The following ITPR2 variants were observed in gnomAD, a reference collection of about 807,000 sequenced individuals.
ITPR2 encodes the protein inositol 1,4,5-trisphosphate-gated calcium channel ITPR2.
Under a neutral mutation model 317.1 loss-of-function variants are expected in ITPR2, and 207 were observed. That is an observed-to-expected ratio of 0.65 (90% confidence interval 0.58 to 0.73). ITPR2 has a LOEUF of 0.73. Among genes scored for constraint, ITPR2 ranks in the 30% least tolerant of loss-of-function variants. The pLI, the probability that ITPR2 is intolerant of heterozygous loss-of-function variation, is 0.00. For synonymous variants in ITPR2, 1,156 were observed against 1,149.1 expected, an observed-to-expected ratio of 1.01 and a Z score of -0.12; for missense variants, 2,613 against 3,284.0, an observed-to-expected ratio of 0.80 and a Z score of 4.99.
At chr12:26,748,727 G>A (rs759033647) in intron 2 of ITPR2, among the ~76,000 whole-genome samples, 2 of 152,140 alleles carry the variant, frequency 1.3e-5, no homozygotes, top group Non-Finnish European at 2.9e-5. Context: ...AACAGTAGGT[G>A]GGATTCTAAA....
chr12:26,633,672 C>T (rs909377435), intron 21 of ITPR2, among the ~76,000 whole-genome samples: 6 of 152,210 alleles, frequency 3.9e-5, no homozygotes, highest in African/African-American at 1.4e-4. Flanking sequence ...AGTATTTCAA[C>T]ATCCCTCCCC....
chr12:26,810,409 T>G (rs1370771490), intron 1 of ITPR2, among the ~76,000 whole-genome samples: 2 of 152,228 alleles, frequency 1.3e-5, no homozygotes, highest in Admixed American at 6.5e-5. Context: ...GGGGACTCAC[T>G]ATTATCCCTG....
chr12:26,497,776 T>A (rs944434988), intron 37 of ITPR2, among the ~76,000 whole-genome samples: 8 of 150,232 alleles, frequency 5.3e-5, no homozygotes, highest in Admixed American at 2.7e-4. Context: ...AGTGGTACAA[T>A]CTCAGCTCAC....
chr12:26,641,614 T>C (rs137978279), intron 21 of ITPR2, among the ~76,000 whole-genome samples: 9 of 152,224 alleles, frequency 5.9e-5, no homozygotes, highest in African/African-American at 2.2e-4. Flanking sequence ...TGGACTGCAA[T>C]AAGGATTAAC....
intron 50 of ITPR2, among the ~76,000 whole-genome samples, chr12:26,418,203 C>A (rs867705422): frequency 1.2e-4 from 19 of 152,226 alleles, no homozygotes; most frequent in Middle Eastern, 3.4e-3. Context: ...TGGATTTGTC[C>A]CTCATGACTC....
At chr12:26,720,751 A>C (rs1241501026) in intron 5 of ITPR2, among the ~76,000 whole-genome samples, 6 of 152,178 alleles carry the variant, frequency 3.9e-5, no homozygotes, top group Non-Finnish European at 7.4e-5. Context: ...TTTGGGTGGT[A>C]GGTTTTGTTT....
At chr12:26,472,996 C>T (rs1211729338) in intron 45 of ITPR2, among the ~76,000 whole-genome samples, 1 of 152,070 alleles carries the variant, frequency 6.6e-6, no homozygotes, top group Non-Finnish European at 1.5e-5. Flanking sequence ...AAGTGATTCT[C>T]GTGCCTCAGC....
intron 35 of ITPR2, among the ~76,000 whole-genome samples, chr12:26,561,321 A>G (rs1944812141): frequency 6.6e-6 from 1 of 152,250 alleles, no homozygotes; most frequent in South Asian, 2.1e-4. Context: ...ATTCTGCAAC[A>G]GCAGCCCTGG....
In ITPR2 at chr12:26,439,119, G is replaced by C. The variant is rs374345419; in HGVS notation, c.6643+8C>G. The C allele has an allele frequency of 3.2e-6, 5 of 1,581,914 alleles. No homozygotes were observed. In the South Asian group the frequency reaches 5.7e-5, roughly 18 times the overall value. ...ACAAAACTAACCATTTCAGTTTACT[G>C]TACTTACTCCTGATTTTCTTCTGCC... On this transcript the variant is annotated splice_region_variant and intron_variant, in intron 47 of 56. Transcript: ENST00000381340.
intron 55 of ITPR2, among the ~76,000 whole-genome samples, chr12:26,380,964 T>C (rs1412799460): frequency 6.6e-6 from 1 of 152,212 alleles, no homozygotes; most frequent in East Asian, 1.9e-4. Flanking sequence ...GACCTTTCTT[T>C]TTAAGGTCTT....
chr12:26,342,089 TCA>T (rs1938132814), intron 55 of ITPR2, among the ~76,000 whole-genome samples: 1 of 152,108 alleles, frequency 6.6e-6, no homozygotes, highest in African/African-American at 2.4e-5. Flanking sequence ...GGCCAGCTGC[TCA>T]CACACAGCCC....
At chr12:26,472,480 T>C (rs1054353471) in intron 45 of ITPR2, among the ~76,000 whole-genome samples, 1 of 151,884 alleles carries the variant, frequency 6.6e-6, no homozygotes, top group Non-Finnish European at 1.5e-5. Flanking sequence ...ACATTTTGCT[T>C]CTGGGAAGTT....
chr12:26,721,870 GC>G (rs1948846034), intron 5 of ITPR2, among the ~76,000 whole-genome samples: 1 of 151,946 alleles, frequency 6.6e-6, no homozygotes, highest in Admixed American at 6.6e-5. Flanking sequence ...CTGCCTCAGT[GC>G]CCCAACTAGT....
chr12:26,542,617 G>C (rs1011069759), intron 37 of ITPR2, among the ~76,000 whole-genome samples: 1 of 152,178 alleles, frequency 6.6e-6, no homozygotes, highest in African/African-American at 2.4e-5. Flanking sequence ...ATAAATGCTA[G>C]CTATTAATTT....
chr12:26,606,325 C>T (rs1466832573), intron 26 of ITPR2, among the ~76,000 whole-genome samples: 1 of 152,160 alleles, frequency 6.6e-6, no homozygotes, highest in African/African-American at 2.4e-5. Context: ...TGCTTCTTAT[C>T]ATCTAGAGAA....
chr12:26,663,166 T>C (rs1221989979), intron 15 of ITPR2, among the ~76,000 whole-genome samples: 1 of 152,220 alleles, frequency 6.6e-6, no homozygotes, highest in African/African-American at 2.4e-5. Context: ...ATACAATTTA[T>C]GAAAATGATT....
At chr12:26,690,168 C>A (rs1948208911) in intron 10 of ITPR2, among the ~76,000 whole-genome samples, 1 of 152,078 alleles carries the variant, frequency 6.6e-6, no homozygotes, top group African/African-American at 2.4e-5. Context: ...GATTTGGGCA[C>A]AAGTGGCTTA....
chr12:26,439,757 T>C (rs1231860845), intron 46 of ITPR2, among the ~76,000 whole-genome samples: 2 of 152,192 alleles, frequency 1.3e-5, no homozygotes, highest in Non-Finnish European at 1.5e-5. Context: ...AAATGACATA[T>C]TCAGCATTAT....
At chr12:26,358,854 G>A (rs984879666) in intron 55 of ITPR2, among the ~76,000 whole-genome samples, 1 of 152,034 alleles carries the variant, frequency 6.6e-6, no homozygotes, top group African/African-American at 2.4e-5. Context: ...TTTCTGCCAT[G>A]TCCAATCTGT....
Sources: allele counts gnomAD v4.1 joint callset (sites outside exome capture counted in the v4.1 genomes callset), GRCh38; gene constraint gnomAD v4.1.1; transcripts MANE v1.5; gene names NCBI Gene and HGNC (gene_info 2026-07-23, HGNC 2026-07-21).